Variants in SLX4 observed in about 807,000 individuals in gnomAD.
SLX4 encodes SLX4 structure-specific endonuclease subunit, also known as structure-specific endonuclease subunit SLX4.
A neutral mutation model predicts 146.2 loss-of-function variants in SLX4; 112 were observed. The ratio of observed to expected loss-of-function variants is 0.77; its 90% CI spans 0.66 to 0.90. The LOEUF is 0.90. Among genes scored for constraint, SLX4 ranks in the 40% least tolerant of loss-of-function variants. SLX4 has a pLI of 0.00. For synonymous variants in SLX4, 1,061 were observed against 997.7 expected, an observed-to-expected ratio of 1.06 and a Z score of -1.20; for missense variants, 2,563 against 2,392.7, an observed-to-expected ratio of 1.07 and a Z score of -1.49.
rs765104618 is a variant in SLX4 at position 3,589,283 on chromosome 16, C to G, written c.4355G>C (p.Ser1452Thr). 14 of 1,593,592 alleles carry G rather than the reference C, an allele frequency of 8.8e-6. No homozygotes were observed. Among genetic ancestry groups the G allele is most frequent in the Non-Finnish European group, 5.1e-6 (6 of 1,168,474 alleles). ...NLERTGPLST[S>T]SPSRRMNEAA... is the part of the protein sequence containing the mutation. ...CTCGTTCATCCTGCGGCTGGGGCTG[C>G]TGGTGCTCAGGGGGCCGGTCCGCTC... Residue 1452 changes from serine (S) to threonine (T), a missense_variant, in exon 12 of 15, where the codon AGC (serine) becomes ACC (threonine). Physicochemically the swap from Ser to Thr is moderately conservative, Grantham distance 58. Coordinates refer to ENST00000294008, the MANE Select transcript of SLX4 (RefSeq NM_032444.4). The surrounding 1 kb of genome is among the most constrained non-coding windows in gnomAD (Gnocchi z 6.2).
At chr16:3,591,947 G>C (rs907544429) in intron 11 of SLX4, among the ~76,000 whole-genome samples, 6 of 152,090 alleles carry the variant, frequency 3.9e-5, no homozygotes, top group African/African-American at 1.4e-4. Context: ...TTGAGGTCAG[G>C]AGTTCAAGAA....
chr16:3,604,088 C>T (rs536475673), intron 3 of SLX4, among the ~76,000 whole-genome samples: 6 of 151,566 alleles, frequency 4.0e-5, no homozygotes, highest in East Asian at 1.9e-4. Flanking sequence ...AAAAATTAGC[C>T]GGGTGTGGTG....
chr16:3,601,229 C>A (rs1472282129), intron 4 of SLX4, 38 bp from the exon 5 acceptor site: 10 of 1,603,430 alleles, frequency 6.2e-6, no homozygotes, highest in Non-Finnish European at 8.5e-6. Context: ...ACCACCCTCC[C>A]CAGGAATGTG....
chr16:3,590,590 C>T lies in SLX4; in HGVS notation c.3048G>A (p.Leu1016=), dbSNP rs767801750. 7 of 1,613,616 alleles carry T rather than the reference C, an allele frequency of 4.3e-6. No individual in the cohort carries two copies. The highest frequency in any genetic ancestry group is 1.1e-5 in the South Asian group (1 of 91,084). ...EQSGAVRERG[L]EVSHRLAPWQ... Reference sequence around the variant, plus strand: ...AGGGAGCCAGGCGATGAGAAACCTCCAGCCCCCTTTCCCTGACAGCGCCAC... The same window carrying T: ...AGGGAGCCAGGCGATGAGAAACCTCTAGCCCCCTTTCCCTGACAGCGCCAC... The change falls in exon 12 of 15, where the codon CTG becomes CTA. Residue 1016 remains leucine (L), a synonymous_variant. Coordinates refer to ENST00000294008, the MANE Select transcript of SLX4 (RefSeq NM_032444.4). The surrounding 1 kb of genome is among the most constrained non-coding windows in gnomAD (Gnocchi z 4.8).
At chr16:3,607,583 C>T (rs892107689) in intron 2 of SLX4, among the ~76,000 whole-genome samples, 1 of 152,106 alleles carries the variant, frequency 6.6e-6, no homozygotes, top group African/African-American at 2.4e-5. Flanking sequence ...ACTCGGGAGG[C>T]TGAGGCAGGG....
chr16:3,582,278 T>C lies in SLX4; in HGVS notation c.*64A>G, dbSNP rs1596514109. ...GACCCACGCTGGGTGTCCCAGGTCCTCCCTGCAAATGGCGGGGGTGGGGGC... is the reference window on the plus strand; with the variant it reads ...GACCCACGCTGGGTGTCCCAGGTCCCCCCTGCAAATGGCGGGGGTGGGGGC... On this transcript the variant is annotated 3_prime_UTR_variant, in exon 15 of 15. Coordinates refer to ENST00000294008, the MANE Select transcript of SLX4 (RefSeq NM_032444.4). The C allele has an allele frequency of 1.4e-6, 2 of 1,412,788 alleles. No homozygotes were observed. Among genetic ancestry groups the C allele is most frequent in the Non-Finnish European group, 1.9e-6 (2 of 1,042,388 alleles). 87.5% of individuals were successfully genotyped at this position (1,412,788 alleles called of 1,614,324 possible).
chr16:3,594,062 C>CG (rs547714552), intron 10 of SLX4, among the ~76,000 whole-genome samples: 33 of 152,112 alleles, frequency 2.2e-4, no homozygotes, highest in South Asian at 6.2e-4. Flanking sequence ...TTAGTAGAGA[C>CG]TGGTTTCACT....
chr16:3,584,780 C>T lies in SLX4; in HGVS notation c.4728G>A (p.Lys1576=), dbSNP rs775637246. 6.2e-7 allele frequency: 1 copy of T among 1,613,402 alleles called. No homozygotes were observed. The highest frequency in any genetic ancestry group is 1.3e-5 in the African/African-American group (1 of 74,922). The change falls in exon 13 of 15, where the codon AAG becomes AAA. Residue 1576 remains lysine, a synonymous_variant. Coordinates refer to ENST00000294008, the MANE Select transcript of SLX4 (RefSeq NM_032444.4). The part of the protein sequence containing the change: ...YSIMETPVLK[K]ELDRFGVRPL... ...TGAAGACCGCCAACCTATCCAGTTC[C>T]TTCTTCAGCACCGGCGTCTCCATAA...
intron 3 of SLX4, 57 bp from the exon 4 acceptor site, chr16:3,602,364 A>C: frequency 6.3e-7 from 1 of 1,595,200 alleles, no homozygotes; most frequent in East Asian, 2.2e-5. Context: ...GCTCACCCTC[A>C]GACCTCTGCT....
chr16:3,606,394 T>C (rs529586796), intron 3 of SLX4, 80 bp downstream of exon 3: 32 of 1,488,262 alleles, frequency 2.2e-5, no homozygotes, highest in South Asian at 1.1e-5. Context: ...ACTCAACAAA[T>C]GCTGATTCCT....
chr16:3,587,947 G>A (rs1197264398), intron 12 of SLX4, among the ~76,000 whole-genome samples: 1 of 152,174 alleles, frequency 6.6e-6, no homozygotes, highest in Non-Finnish European at 1.5e-5. Flanking sequence ...CAGCAGCACC[G>A]AGGGGGCCGA....
At position 3,582,165 on chromosome 16, in the gene SLX4, AGAG is replaced by A. The variant is rs1268335794; in HGVS notation, c.*174_*176del. The A allele has an allele frequency of 8.1e-6, 5 of 616,328 alleles. No homozygotes were observed. The East Asian group carries it at 1.1e-4, about 14-fold the overall frequency. 38.2% of individuals were successfully genotyped at this position (616,328 alleles called of 1,614,324 possible). The stretch of plus-strand genomic sequence containing the variant: ...AATGCCACCCTAGAAAGCAGAGCCC[AGAG>A]GAGGAAGCCCTGGATTGGGCTGTGG... On this transcript the variant is annotated 3_prime_UTR_variant, in exon 15 of 15. Transcript: ENST00000294008.
At chr16:3,605,978 G>A (rs1386395337) in intron 3 of SLX4, among the ~76,000 whole-genome samples, 1 of 149,166 alleles carries the variant, frequency 6.7e-6, no homozygotes, top group South Asian at 2.1e-4. Context: ...AAAGGAAGAG[G>A]GCCAGGTGCA....
chr16:3,582,982 A>G lies in SLX4; in HGVS notation c.5153+115T>C, dbSNP rs949758443. The G allele has an allele frequency of 7.9e-6, 11 of 1,385,480 alleles. No homozygotes were observed. The African/African-American group carries it at 1.1e-4, about 14-fold the overall frequency. 85.8% of individuals were successfully genotyped at this position (1,385,480 alleles called of 1,614,324 possible). ...CCTGGTTTTCCCACAGGTCAAACCC[A>G]GAAGGTGACGGGGGTTTTTGAAGAT... On this transcript the variant is annotated intron_variant, in intron 14 of 14. Coordinates refer to ENST00000294008, the MANE Select transcript of SLX4 (RefSeq NM_032444.4).
rs1474380665 is a variant in SLX4 at position 3,590,335 on chromosome 16, T to G, written c.3303A>C (p.Lys1101Asn). Residue 1101 changes from lysine (K) to asparagine (N), a missense_variant, in exon 12 of 15, where the codon AAA becomes AAC. Lys to Asn is a moderately conservative substitution (Grantham distance 94). Transcript: ENST00000294008. The surrounding 1 kb of genome is among the most constrained non-coding windows in gnomAD (Gnocchi z 4.8). ...TGCACTCCAGCACGGACCGACGCTC[T>G]TTGCCTTTCTGGTGCCCTGGCTCTT... ...LSKEPGHQKGKERRSVLECRN... is the reference protein window; with the variant it reads ...LSKEPGHQKGNERRSVLECRN... 6.2e-7 allele frequency: 1 copy of G among 1,614,228 alleles called. No homozygotes were observed. The highest frequency in any genetic ancestry group is 1.7e-5 in the Admixed American group (1 of 60,030).
rs867523572 is a variant in SLX4 at position 3,609,383 on chromosome 16, G to C, written c.-419C>G. On this transcript the variant is annotated 5_prime_UTR_variant, in exon 2 of 15. Transcript: ENST00000294008. Reference sequence around the variant, plus strand: ...AGATCGTGCCACTGCACTCTAACCTGGGCAACAAGAGCAAAACTCTGTCTC... The same window carrying C: ...AGATCGTGCCACTGCACTCTAACCTCGGCAACAAGAGCAAAACTCTGTCTC... 6.5e-4 allele frequency: 114 copies of C among 175,458 alleles called. No individual in the cohort carries two copies. The highest frequency in any genetic ancestry group is 2.5e-3 in the African/African-American group (106 of 42,046). 10.9% of individuals were successfully genotyped at this position (175,458 alleles called of 1,614,324 possible).
chr16:3,596,246 CCTGGTGCTCCCTCTGG>C lies in SLX4; in HGVS notation c.1815_1830del (p.Ser605ArgfsTer14). ...GCCAGGTCCACGAGGTCCTGCAGGG[CCTGGTGCTCCCTCTGG>C]CTGGCCGAAGGCGACGGGCCCCTGG... On this transcript the variant is annotated frameshift_variant, in exon 8 of 15. Transcript: ENST00000294008. LOFTEE classifies it high-confidence loss of function. 1 of 1,555,918 alleles carries C rather than the reference CCTGGTGCTCCCTCTGG, an allele frequency of 6.4e-7. No individual in the cohort carries two copies. Among genetic ancestry groups the C allele is most frequent in the Non-Finnish European group, 8.7e-7 (1 of 1,151,670 alleles).
In SLX4 at chr16:3,597,964, C is replaced by T; in HGVS notation, c.1199G>A (p.Gly400Glu). The stretch of plus-strand genomic sequence containing the variant: ...CCGTGGCTCCTTCTTGCTGGTGGGT[C>T]CTCTCCGTTTCAGACCTCTACTGTG... ...SDHSRGLKRRGPTSKKEPRKR... is the reference protein window; with the variant it reads ...SDHSRGLKRREPTSKKEPRKR... Residue 400 changes from glycine to glutamate, a missense_variant, in exon 6 of 15, where the codon GGA (glycine) becomes GAA (glutamate). Coordinates refer to ENST00000294008, the MANE Select transcript of SLX4 (RefSeq NM_032444.4). The surrounding 1 kb of genome is among the most constrained non-coding windows in gnomAD (Gnocchi z 4.4). 11 of 1,614,110 alleles carry T rather than the reference C, an allele frequency of 6.8e-6. No individual in the cohort carries two copies. The highest frequency in any genetic ancestry group is 8.5e-6 in the Non-Finnish European group (10 of 1,180,032).
At chr16:3,584,677 C>G (rs189824171) in intron 13 of SLX4, 92 bp downstream of exon 13, 6 of 1,000,606 alleles carry the variant, frequency 6.0e-6, no homozygotes. Flanking sequence ...AGAGACCACA[C>G]GGGGGGCCCT....
Sources: allele counts gnomAD v4.1 joint callset (sites outside exome capture counted in the v4.1 genomes callset), GRCh38; gene constraint gnomAD v4.1.1; non-coding constraint Gnocchi (gnomAD v3.1); transcripts MANE v1.5; gene names NCBI Gene and HGNC (gene_info 2026-07-23, HGNC 2026-07-21).